TECPR2: variants seen among roughly 807,000 people sequenced by gnomAD.
TECPR2 encodes tectonin beta-propeller repeat containing 2.
In TECPR2, 65 loss-of-function variants were observed where a neutral mutation model predicts 138.1. The ratio of observed to expected loss-of-function variants is 0.47; its 90% CI spans 0.39 to 0.58. The LOEUF is 0.58. Ranked by LOEUF, TECPR2 falls within the 20% of genes least tolerant of loss-of-function variation. The pLI is 0.00. For synonymous variants in TECPR2, 746 were observed against 749.8 expected, an observed-to-expected ratio of 0.99 and a Z score of 0.08; for missense variants, 1,553 against 1,824.5, an observed-to-expected ratio of 0.85 and a Z score of 2.71.
intron 8 of TECPR2, among the ~76,000 whole-genome samples, chr14:102,433,805 C>T (rs760271545): frequency 5.9e-5 from 9 of 152,112 alleles, no homozygotes; most frequent in African/African-American, 1.4e-4. Flanking sequence ...GGCTTATGAG[C>T]GTGAACCACC....
chr14:102,429,665 G>C (rs1460788502), intron 7 of TECPR2, among the ~76,000 whole-genome samples: 3 of 152,166 alleles, frequency 2.0e-5, no homozygotes, highest in Admixed American at 2.0e-4. Context: ...GCAAATTGGG[G>C]TGAATATTCC....
chr14:102,425,348 T>C (rs1595117968), intron 6 of TECPR2, 57 bp downstream of exon 6: 2 of 1,511,382 alleles, frequency 1.3e-6, no homozygotes, highest in East Asian at 2.3e-5. Context: ...AATGTATCTC[T>C]ATAAACTGTT....
chr14:102,497,520 G>A lies in TECPR2; in HGVS notation c.3932-50G>A, dbSNP rs1485896679. ...ACAAGAGTCGGCTTGGGAAGCAGCGGCCCATCCCGTCCATGGCAGGGGCTC... is the reference window on the plus strand; with the variant it reads ...ACAAGAGTCGGCTTGGGAAGCAGCGACCCATCCCGTCCATGGCAGGGGCTC... On this transcript the variant is annotated intron_variant, in intron 18 of 19. Coordinates refer to ENST00000359520, the MANE Select transcript of TECPR2 (RefSeq NM_014844.5). 2.1e-6 allele frequency: 3 copies of A among 1,448,518 alleles called. 1 individual carries two copies. The highest frequency in any genetic ancestry group is 3.1e-5 in the South Asian group (2 of 64,698). 89.7% of individuals were successfully genotyped at this position (1,448,518 alleles called of 1,614,324 possible).
intron 17 of TECPR2, among the ~76,000 whole-genome samples, chr14:102,484,960 G>A (rs551608513): frequency 5.9e-5 from 9 of 152,310 alleles, no homozygotes; most frequent in South Asian, 2.1e-4. Flanking sequence ...CGCCCGCCCC[G>A]TTTTTCTTTG....
chr14:102,408,248 CTT>C (rs1888717811), intron 3 of TECPR2, among the ~76,000 whole-genome samples: 1 of 151,750 alleles, frequency 6.6e-6, no homozygotes, highest in Non-Finnish European at 1.5e-5. Context: ...GGGTTGGACA[CTT>C]GGCATAAAGT....
Position 102,437,696 on chromosome 14 carries a change from G to A in TECPR2, c.2395-326G>A, listed in dbSNP as rs893872119. Among the ~76,000 whole-genome samples, 41 of 152,154 alleles carry A rather than the reference G, an allele frequency of 2.7e-4. 1 individual carries two copies. Among genetic ancestry groups the A allele is most frequent in the Non-Finnish European group, 1.0e-4 (7 of 68,026 alleles). ...GAACCTGGCTCTTTGTGTAAGGTGA[G>A]GTATGCCTGCAGAATAATAGCAGCT... On this transcript the variant is annotated intron_variant, in intron 9 of 19. Coordinates refer to ENST00000359520, the MANE Select transcript of TECPR2 (RefSeq NM_014844.5).
intron 2 of TECPR2, among the ~76,000 whole-genome samples, chr14:102,382,442 C>T (rs1033870093): frequency 6.6e-6 from 1 of 152,186 alleles, no homozygotes; most frequent in Non-Finnish European, 1.5e-5. Flanking sequence ...ATACACGAAG[C>T]AGAAATGGAC....
At chr14:102,406,802 T>C (rs975097783) in intron 2 of TECPR2, among the ~76,000 whole-genome samples, 12 of 152,330 alleles carry the variant, frequency 7.9e-5, no homozygotes, top group African/African-American at 2.9e-4. Flanking sequence ...TGCAGTGAAC[T>C]GTGATTGCAC....
At chr14:102,433,302 C>A (rs567463280) in intron 8 of TECPR2, among the ~76,000 whole-genome samples, 1 of 151,806 alleles carries the variant, frequency 6.6e-6, no homozygotes, top group Admixed American at 6.6e-5. Flanking sequence ...ACCCATGCCG[C>A]CTCCTCTCCC....
At chr14:102,490,538 G>A (rs1239473240) in intron 17 of TECPR2, among the ~76,000 whole-genome samples, 1 of 152,222 alleles carries the variant, frequency 6.6e-6, no homozygotes, top group East Asian at 1.9e-4. Flanking sequence ...GTGTATTTTA[G>A]CAGAGGCGCC....
intron 2 of TECPR2, among the ~76,000 whole-genome samples, chr14:102,390,735 A>C (rs544876795): frequency 6.6e-6 from 1 of 152,080 alleles, no homozygotes; most frequent in Non-Finnish European, 1.5e-5. Context: ...TGGTTTGATC[A>C]GAAATTGCAC....
chr14:102,434,185 C>A (rs765411612), intron 8 of TECPR2, 50 bp from the exon 9 acceptor site: 1 of 1,326,484 alleles, frequency 7.5e-7, no homozygotes, highest in East Asian at 2.7e-5. Flanking sequence ...TAGTCTCTTA[C>A]TAATCATATA....
At chr14:102,418,588 C>T (rs1005101883) in intron 5 of TECPR2, among the ~76,000 whole-genome samples, 1 of 150,226 alleles carries the variant, frequency 6.7e-6, no homozygotes, top group African/African-American at 2.5e-5. Flanking sequence ...TGTGGGGAGC[C>T]CCCTCCCGTC....
intron 2 of TECPR2, among the ~76,000 whole-genome samples, chr14:102,392,479 T>G (rs907415402): frequency 2.6e-5 from 4 of 152,258 alleles, no homozygotes; most frequent in Admixed American, 2.0e-4. Flanking sequence ...CCAGTGACAT[T>G]TTAAATTCTC....
intron 11 of TECPR2, among the ~76,000 whole-genome samples, chr14:102,442,219 C>T (rs758214707): frequency 1.3e-5 from 2 of 152,156 alleles, no homozygotes; most frequent in East Asian, 1.9e-4. Context: ...CCTTGTGATC[C>T]GCCCGCCTCA....
chr14:102,432,027 C>A lies in TECPR2; in HGVS notation c.1316C>A (p.Pro439His), dbSNP rs754024398. The change falls in exon 8 of 20, where the codon CCC (proline) becomes CAC (histidine). Residue 439 changes from proline (P) to histidine (H), a missense_variant. Coordinates refer to ENST00000359520, the MANE Select transcript of TECPR2 (RefSeq NM_014844.5). ...CCTGAGCTGGGCAAGGGCAGCCAGCCCCTGTCACAGAGATTCAACGCCATC... is the reference window on the plus strand; with the variant it reads ...CCTGAGCTGGGCAAGGGCAGCCAGCACCTGTCACAGAGATTCAACGCCATC... Reference protein sequence around the residue: ...ATPELGKGSQPLSQRFNAISS... With the variant: ...ATPELGKGSQHLSQRFNAISS... The A allele has an allele frequency of 6.2e-7, 1 of 1,612,912 alleles. No homozygotes were observed. The highest frequency in any genetic ancestry group is 1.7e-5 in the Admixed American group (1 of 60,006).
intron 16 of TECPR2, among the ~76,000 whole-genome samples, chr14:102,453,058 G>A (rs1446717150): frequency 6.6e-6 from 1 of 152,220 alleles, no homozygotes; most frequent in African/African-American, 2.4e-5. Flanking sequence ...GCGGAGGAGA[G>A]TGGCTCAGCA....
chr14:102,385,000 G>A (rs1360962365), intron 2 of TECPR2, among the ~76,000 whole-genome samples: 1 of 151,470 alleles, frequency 6.6e-6, no homozygotes, highest in Admixed American at 6.6e-5. Flanking sequence ...AGGACTACAG[G>A]TGTGCGCCAC....
chr14:102,443,708 C>T lies in TECPR2; in HGVS notation c.2814C>T (p.Ser938=). ...AGGTGGACTGTCCCTACCCGCTGTC[C>T]CAGATCACAGCCCGGAACAATGTGG... ...AVKVDCPYPL[S]QITARNNVVW... The change falls in exon 12 of 20, where the codon TCC becomes TCT. Residue 938 remains serine (S), a synonymous_variant. Transcript: ENST00000359520. This position sits in a 1 kb window ranked among gnomAD's most constrained non-coding sequence, Gnocchi z 4.9. 6.2e-7 allele frequency: 1 copy of T among 1,612,580 alleles called. No individual in the cohort carries two copies. Among genetic ancestry groups the T allele is most frequent in the South Asian group, 1.1e-5 (1 of 90,962 alleles).
Sources: allele counts gnomAD v4.1 joint callset (sites outside exome capture counted in the v4.1 genomes callset), GRCh38; gene constraint gnomAD v4.1.1; non-coding constraint Gnocchi (gnomAD v3.1); transcripts MANE v1.5; gene names NCBI Gene and HGNC (gene_info 2026-07-23, HGNC 2026-07-21).